Variants in FRMD4A observed in about 807,000 individuals in gnomAD.
The protein encoded by FRMD4A is FERM domain containing 4A.
FRMD4A carries 29 observed loss-of-function variants against 129.1 expected under a neutral mutation model. That is an observed-to-expected ratio of 0.22 (90% CI 0.17 to 0.31). The LOEUF is 0.31. Among genes scored for constraint, FRMD4A ranks in the 10% least tolerant of loss-of-function variants. The pLI is 1.00. For missense variants in FRMD4A, 1,272 were observed against 1,375.8 expected (o/e 0.92, Z 1.19); for synonymous variants, 634 against 571.6 (o/e 1.11, Z -1.56).
At chr10:13,722,044 C>T (rs1476565449) in intron 12 of FRMD4A, among the ~76,000 whole-genome samples, 20 of 152,178 alleles carry the variant, frequency 1.3e-4, no homozygotes, top group Admixed American at 1.0e-3. Context: ...CATGACAAGG[C>T]TGTGCTCGCT....
At chr10:14,008,192 G>GTGTGTA (rs2131631614) in intron 2 of FRMD4A, 1 of 1,214,348 alleles carries the variant, frequency 8.2e-7, no homozygotes. Flanking sequence ...GTGTGTGTGT[G>GTGTGTA]TGTGTGTGTG....
intron 2 of FRMD4A, among the ~76,000 whole-genome samples, chr10:13,964,913 T>C (rs1247231779): frequency 2.0e-5 from 3 of 152,164 alleles, no homozygotes; most frequent in Admixed American, 2.0e-4. Flanking sequence ...CTCGATCTCT[T>C]GACCTCATGA....
intron 2 of FRMD4A, among the ~76,000 whole-genome samples, chr10:14,235,235 C>T (rs11258965): frequency 0.054 from 7,925 of 145,540 alleles, 478 homozygotes; most frequent in South Asian, 0.19. Flanking sequence ...CTGCAAGCTC[C>T]GCCTCCCGGG....
At chr10:13,662,686 A>G (rs1278139602) in intron 19 of FRMD4A, among the ~76,000 whole-genome samples, 2 of 152,152 alleles carry the variant, frequency 1.3e-5, no homozygotes, top group African/African-American at 2.4e-5. Context: ...ATAATAAGAC[A>G]GTTTTCCAGC....
chr10:13,941,763 G>A (rs574591720), intron 2 of FRMD4A, among the ~76,000 whole-genome samples: 3 of 152,308 alleles, frequency 2.0e-5, no homozygotes, highest in South Asian at 4.1e-4. Flanking sequence ...CCTAAAAAAG[G>A]TGTGAATGGC....
chr10:13,755,514 A>G (rs1352842684), intron 8 of FRMD4A, among the ~76,000 whole-genome samples: 1 of 152,188 alleles, frequency 6.6e-6, no homozygotes, highest in Non-Finnish European at 1.5e-5. Flanking sequence ...CTGGGCACCT[A>G]ATAACATGTG....
rs2094683412 is a variant in FRMD4A at position 13,890,543 on chromosome 10, C to A, written c.46-31631G>T. On this transcript the variant is annotated intron_variant, in intron 2 of 24. Coordinates refer to ENST00000357447, the MANE Select transcript of FRMD4A (RefSeq NM_018027.5). ...TCAATCAGGTCCAGGCAGATGTATT[C>A]CCGATAGAACAGGCTGTCACCACTG... is the stretch of plus-strand genomic sequence containing the variant. 3.1e-6 allele frequency: 3 copies of A among 980,618 alleles called. No homozygotes were observed. The South Asian group carries it at 1.4e-4, about 46-fold the overall frequency. 60.7% of individuals were successfully genotyped at this position (980,618 alleles called of 1,614,324 possible).
At chr10:14,151,284 G>C (rs1053283991) in intron 2 of FRMD4A, among the ~76,000 whole-genome samples, 2 of 152,162 alleles carry the variant, frequency 1.3e-5, no homozygotes, top group African/African-American at 2.4e-5. Context: ...TGGCTGATTC[G>C]ATAAGGAAAA....
intron 2 of FRMD4A, among the ~76,000 whole-genome samples, chr10:14,137,550 G>T (rs536080602): frequency 6.6e-6 from 1 of 152,266 alleles, no homozygotes; most frequent in South Asian, 2.1e-4. Flanking sequence ...TGGCTAATAT[G>T]AGTGAAGTGA....
intron 2 of FRMD4A, among the ~76,000 whole-genome samples, chr10:14,046,695 C>G (rs976208459): frequency 6.6e-6 from 1 of 152,118 alleles, no homozygotes; most frequent in Non-Finnish European, 1.5e-5. Flanking sequence ...TGATCAAACC[C>G]CTGACGTGAT....
At chr10:13,817,144 G>C (rs1260113830) in intron 3 of FRMD4A, among the ~76,000 whole-genome samples, 1 of 152,152 alleles carries the variant, frequency 6.6e-6, no homozygotes, top group Non-Finnish European at 1.5e-5. Flanking sequence ...AGAGCTAATA[G>C]GACAGTCTTT....
intron 21 of FRMD4A, among the ~76,000 whole-genome samples, chr10:13,658,132 T>TAAAA (rs565374030): frequency 6.2e-5 from 5 of 81,272 alleles, no homozygotes; most frequent in Non-Finnish European, 9.6e-5. Context: ...CTGTCTCTCT[T>TAAAA]AAAAAAAAAA....
chr10:13,845,440 C>G (rs1413020186), intron 3 of FRMD4A, among the ~76,000 whole-genome samples: 6 of 152,142 alleles, frequency 3.9e-5, no homozygotes, highest in Admixed American at 6.5e-5. Context: ...CTCCATGAAG[C>G]CTTGCATGAA....
intron 2 of FRMD4A, among the ~76,000 whole-genome samples, chr10:13,978,634 C>A (rs1354369001): frequency 6.6e-6 from 1 of 152,106 alleles, no homozygotes; most frequent in Non-Finnish European, 1.5e-5. Flanking sequence ...CACATTTAAT[C>A]CCATATTTGG....
At chr10:13,797,136 G>C (rs1346020487) in intron 4 of FRMD4A, among the ~76,000 whole-genome samples, 3 of 152,184 alleles carry the variant, frequency 2.0e-5, no homozygotes, top group African/African-American at 7.2e-5. Flanking sequence ...ACTGGAAAGT[G>C]AAGGGATTGA....
chr10:14,105,546 A>G (rs977422259), intron 2 of FRMD4A, among the ~76,000 whole-genome samples: 3 of 152,234 alleles, frequency 2.0e-5, no homozygotes, highest in Admixed American at 1.3e-4. Flanking sequence ...TGTAGTTTAC[A>G]TCTCTAAAAG....
intron 2 of FRMD4A, among the ~76,000 whole-genome samples, chr10:14,245,283 G>A (rs561029818): frequency 3.3e-5 from 5 of 152,236 alleles, no homozygotes; most frequent in Non-Finnish European, 7.3e-5. Flanking sequence ...CTCCGGGTTC[G>A]TTGGTGAGGT....
At chr10:14,117,805 T>G (rs72776688) in intron 2 of FRMD4A, among the ~76,000 whole-genome samples, 3,493 of 152,322 alleles carry the variant, frequency 0.023, 68 homozygotes, top group Middle Eastern at 0.041. Flanking sequence ...TGCCTTCTTC[T>G]GGGTGAGCAG....
chr10:14,229,459 T>C (rs186004969), intron 2 of FRMD4A, among the ~76,000 whole-genome samples: 4 of 152,292 alleles, frequency 2.6e-5, no homozygotes, highest in Non-Finnish European at 1.5e-5. Context: ...GAGAAACTTA[T>C]GTACTCTTAC....
Sources: allele counts gnomAD v4.1 joint callset (sites outside exome capture counted in the v4.1 genomes callset), GRCh38; gene constraint gnomAD v4.1.1; transcripts MANE v1.5; gene names NCBI Gene and HGNC (gene_info 2026-07-23, HGNC 2026-07-21).